Variants in SLC35D1 observed in about 807,000 individuals in gnomAD.
The protein encoded by SLC35D1 is solute carrier family 35 member D1.
In SLC35D1, 31 loss-of-function variants were observed where a neutral mutation model predicts 46.7. The observed-to-expected ratio is 0.66, with a 90% CI of 0.50 to 0.90. SLC35D1 has a LOEUF of 0.90. Ranked by LOEUF, SLC35D1 falls within the 40% of genes least tolerant of loss-of-function variation. The pLI is 0.00. For missense variants in SLC35D1, 397 were observed against 426.2 expected, an observed-to-expected ratio of 0.93 and a Z score of 0.60; for synonymous variants, 195 against 164.6, an observed-to-expected ratio of 1.18 and a Z score of -1.41.
the SLC35D1 span, among the ~76,000 whole-genome samples, chr1:66,990,010 T>TAGTG: frequency 8.4e-4 from 128 of 152,348 alleles, no homozygotes; most frequent in Non-Finnish European, 1.2e-3. Flanking sequence ...TAGGAGCTAA[T>TAGTG]AGTGGTGCCA....
chr1:67,021,566 G>A lies in SLC35D1; in HGVS notation c.766C>T (p.Leu256Phe). ...EFEGWADTLF[L>F]LQFTLSCVMG... ...ACACAGGAGAGGGTGAACTGCAGAA[G>A]AAAGAGGGTGTCAGCCCAGCCTTCA... The change falls in exon 9 of 12, where the codon CTT becomes TTT. Residue 256 changes from leucine to phenylalanine, a missense_variant. Physicochemically the swap from Leu to Phe is conservative, Grantham distance 22 (BLOSUM62 0). Coordinates refer to ENST00000235345, the MANE Select transcript of SLC35D1 (RefSeq NM_015139.3). 1.9e-6 allele frequency: 3 copies of A among 1,614,018 alleles called. No homozygotes were observed. Among genetic ancestry groups the A allele is most frequent in the Middle Eastern group, 1.6e-4 (1 of 6,062 alleles).
chr1:67,039,642 T>C (rs1461746847), intron 8 of SLC35D1, among the ~76,000 whole-genome samples: 2 of 152,148 alleles, frequency 1.3e-5, no homozygotes, highest in African/African-American at 4.8e-5. Flanking sequence ...TTTAATTCAA[T>C]ACATAGAAAG....
chr1:67,031,277 C>T (rs1263171244), intron 8 of SLC35D1, among the ~76,000 whole-genome samples: 1 of 151,984 alleles, frequency 6.6e-6, no homozygotes, highest in East Asian at 1.9e-4. Flanking sequence ...TCCTCTGCTT[C>T]GCCACAGGAA....
downstream of SLC35D1, among the ~76,000 whole-genome samples, chr1:66,996,702 A>G (rs967437939): frequency 1.3e-5 from 2 of 152,238 alleles, no homozygotes; most frequent in African/African-American, 4.8e-5. Flanking sequence ...TGGGTACACA[A>G]TGGCACTAGC....
At chr1:66,982,126 C>T in the SLC35D1 span, among the ~76,000 whole-genome samples, 5 of 152,270 alleles carry the variant, frequency 3.3e-5, no homozygotes, top group African/African-American at 1.2e-4. Context: ...TTAATAAAGC[C>T]TACTGTCAAC....
the SLC35D1 span, chr1:66,973,028 T>G: frequency 8.8e-7 from 1 of 1,134,210 alleles, no homozygotes. Context: ...AAAAAGAAAT[T>G]TAGTTGAACA....
At chr1:66,980,420 T>G in the SLC35D1 span, among the ~76,000 whole-genome samples, 1 of 152,220 alleles carries the variant, frequency 6.6e-6, no homozygotes, top group Non-Finnish European at 1.5e-5. Flanking sequence ...GTTTTATACC[T>G]CAGACTATTA....
At chr1:67,009,730 G>C (rs886444459) in intron 10 of SLC35D1, among the ~76,000 whole-genome samples, 1 of 152,160 alleles carries the variant, frequency 6.6e-6, no homozygotes, top group African/African-American at 2.4e-5. Context: ...ATACACTGTT[G>C]GGGGGAATGT....
the SLC35D1 span, chr1:66,987,562 G>T: frequency 2.6e-5 from 4 of 152,574 alleles, no homozygotes; most frequent in Non-Finnish European, 5.9e-5. Flanking sequence ...TTTCAAATTA[G>T]ATGTTAAATT....
the SLC35D1 span, among the ~76,000 whole-genome samples, chr1:66,980,615 T>C: frequency 6.6e-6 from 1 of 152,232 alleles, no homozygotes. Context: ...GCTCACAAAA[T>C]TCTAAGAGAT....
chr1:67,031,354 C>T (rs572971869), intron 8 of SLC35D1, among the ~76,000 whole-genome samples: 14 of 152,164 alleles, frequency 9.2e-5, no homozygotes, highest in South Asian at 2.1e-4. Flanking sequence ...AAAACAGAAC[C>T]CTGGCAGTCC....
the SLC35D1 span, among the ~76,000 whole-genome samples, chr1:66,973,986 GA>G: frequency 2.6e-5 from 4 of 151,854 alleles, no homozygotes; most frequent in African/African-American, 4.8e-5. Flanking sequence ...GTATCCAGTT[GA>G]TTTTTTTGAC....
the SLC35D1 span, among the ~76,000 whole-genome samples, chr1:66,981,165 A>G: frequency 6.6e-6 from 1 of 152,220 alleles, no homozygotes; most frequent in Non-Finnish European, 1.5e-5. Context: ...AGATCTGCTC[A>G]CCAATGTCAC....
chr1:67,049,905 T>C, intron 5 of SLC35D1, 55 bp from the exon 6 acceptor site: 5 of 1,293,160 alleles, frequency 3.9e-6, no homozygotes, highest in South Asian at 3.7e-5. Context: ...ACACTCATTT[T>C]ACAACAGAAG....
chr1:66,981,520 C>T, the SLC35D1 span, among the ~76,000 whole-genome samples: 1 of 152,178 alleles, frequency 6.6e-6, no homozygotes, highest in African/African-American at 2.4e-5. Context: ...CACCTGCCTA[C>T]AACTTTACAA....
At chr1:66,994,098 T>C in the SLC35D1 span, among the ~76,000 whole-genome samples, 1 of 152,222 alleles carries the variant, frequency 6.6e-6, no homozygotes, top group Admixed American at 6.5e-5. Context: ...CATGCTTAGA[T>C]GTTCATTAGG....
Position 67,042,140 on chromosome 1 carries a change from G to A in SLC35D1, c.729+96C>T, listed in dbSNP as rs1570638684. On this transcript the variant is annotated intron_variant, in intron 8 of 11. Coordinates refer to ENST00000235345, the MANE Select transcript of SLC35D1 (RefSeq NM_015139.3). ...TGCTCAGTTTTTGGTCACTTAATAA[G>A]CATATTTCTTTTGAACAACAAAGCC... The A allele has an allele frequency of 1.0e-5, 12 of 1,173,218 alleles. No homozygotes were observed. In the South Asian group the frequency reaches 1.2e-4, roughly 12 times the overall value. The allele number at this position is 1,173,218 out of a possible 1,614,324, so 72.7% of individuals were successfully genotyped here. A position where few individuals can be genotyped will look rare whatever the true frequency, so the allele number is the denominator to read the frequency against.
chr1:67,035,084 G>T (rs940390190), intron 8 of SLC35D1, among the ~76,000 whole-genome samples: 1 of 151,982 alleles, frequency 6.6e-6, no homozygotes, highest in African/African-American at 2.4e-5. Flanking sequence ...TTTTTGTTGA[G>T]GATTTCTCCA....
chr1:66,982,029 A>C, the SLC35D1 span: 1 of 1,054,052 alleles, frequency 9.5e-7, no homozygotes, highest in Non-Finnish European at 1.4e-6. Context: ...AGAAAGTAAA[A>C]AATGATAACA....
Sources: gnomAD v4.1 joint callset for allele counts (sites outside exome capture counted in the v4.1 genomes callset) on GRCh38, gnomAD v4.1.1 for gene constraint, MANE v1.5 for transcripts, NCBI Gene and HGNC (gene_info 2026-07-23, HGNC 2026-07-21) for gene names.